Variants in SUMF1 observed in about 807,000 individuals in gnomAD.
SUMF1 encodes the protein sulfatase modifying factor 1.
SUMF1 carries 48 observed loss-of-function variants against 47.6 expected under a neutral mutation model. That is an observed-to-expected ratio of 1.01 (90% CI 0.80 to 1.28). SUMF1 has a LOEUF of 1.28. Ranked by LOEUF, SUMF1 falls within the 50% of genes most tolerant of loss-of-function variation. The pLI, the probability that SUMF1 is intolerant of heterozygous loss-of-function variation, is 0.00. For missense variants in SUMF1, 571 were observed against 485.4 expected, an observed-to-expected ratio of 1.18 and a Z score of -1.66; for synonymous variants, 230 against 192.1, an observed-to-expected ratio of 1.20 and a Z score of -1.63.
Position 4,419,563 on chromosome 3 carries a change from G to A in SUMF1, c.602+501C>T, listed in dbSNP as rs940629514. ...TTGCCACCCTGGAGACTTGCTGACC[G>A]ACTTGGCTCTCTGTGGTTTTCCAGT... On this transcript the variant is annotated intron_variant, in intron 4 of 8. Coordinates refer to ENST00000272902, the MANE Select transcript of SUMF1 (RefSeq NM_182760.4). Among the ~76,000 whole-genome samples, 9 of 152,216 alleles carry A rather than the reference G, an allele frequency of 5.9e-5. 1 individual carries two copies. In the South Asian group the frequency reaches 1.2e-3, roughly 21 times the overall value.
At chr3:4,261,796 C>T (rs939586493) in intron 8 of SUMF1, among the ~76,000 whole-genome samples, 1 of 152,246 alleles carries the variant, frequency 6.6e-6, no homozygotes, top group South Asian at 2.1e-4. Flanking sequence ...CAGATTTCTC[C>T]CAAAGGCCCC....
chr3:4,442,079 G>A (rs1475704474), intron 3 of SUMF1, among the ~76,000 whole-genome samples: 2 of 152,136 alleles, frequency 1.3e-5, no homozygotes, highest in Non-Finnish European at 2.9e-5. Context: ...CAGGAAATCA[G>A]ACCTGTGAAA....
At chr3:4,323,187 A>G (rs1308807269) in intron 8 of SUMF1, among the ~76,000 whole-genome samples, 1 of 152,208 alleles carries the variant, frequency 6.6e-6, no homozygotes, top group East Asian at 1.9e-4. Context: ...TGGTCATAAT[A>G]TTATTTGGCC....
intron 8 of SUMF1, among the ~76,000 whole-genome samples, chr3:4,224,653 G>T (rs574757683): frequency 6.6e-6 from 1 of 152,090 alleles, no homozygotes; most frequent in Non-Finnish European, 1.5e-5. Flanking sequence ...ACTCCTCTAG[G>T]CATAGGATGA....
intron 8 of SUMF1, among the ~76,000 whole-genome samples, chr3:4,199,506 G>A (rs1695497466): frequency 6.6e-6 from 1 of 152,100 alleles, no homozygotes; most frequent in Non-Finnish European, 1.5e-5. Flanking sequence ...AAATTTCTGG[G>A]TTGTATGGTA....
At chr3:4,393,767 C>T (rs1245121243) in intron 7 of SUMF1, among the ~76,000 whole-genome samples, 3 of 152,078 alleles carry the variant, frequency 2.0e-5, no homozygotes, top group African/African-American at 7.2e-5. Flanking sequence ...AGAAGTTTCT[C>T]AAGAATCAAC....
intron 8 of SUMF1, among the ~76,000 whole-genome samples, chr3:4,072,466 C>A (rs1156265167): frequency 6.6e-6 from 1 of 152,096 alleles, no homozygotes; most frequent in Admixed American, 6.5e-5. Context: ...GGGAACAAAA[C>A]TGGATAGAGA....
chr3:4,150,218 C>T (rs1694286157), intron 8 of SUMF1, among the ~76,000 whole-genome samples: 1 of 151,456 alleles, frequency 6.6e-6, no homozygotes, highest in African/African-American at 2.4e-5. Context: ...CTCAGCCTCC[C>T]AAGTAGCTGG....
intron 7 of SUMF1, among the ~76,000 whole-genome samples, chr3:4,382,923 G>A (rs1023027721): frequency 2.0e-5 from 3 of 152,076 alleles, no homozygotes; most frequent in Non-Finnish European, 2.9e-5. Context: ...CCTGTCAGGG[G>A]GTCAGAGACT....
At chr3:4,034,591 C>T (rs7646950) in intron 9 of SUMF1, among the ~76,000 whole-genome samples, 3 of 152,066 alleles carry the variant, frequency 2.0e-5, no homozygotes, top group South Asian at 4.1e-4. Context: ...GTGATTCTCT[C>T]GCAAATTCAA....
In SUMF1 at chr3:4,150,253, T is replaced by C. The variant is rs927350248; in HGVS notation, c.1015-81508A>G. 4.1e-5 allele frequency among the ~76,000 whole-genome samples: 6 copies of C among 147,320 alleles called. No homozygotes were observed. In the East Asian group the frequency reaches 1.2e-3, roughly 29 times the overall value. Reference sequence around the variant, plus strand: ...GGACTGCAGGGGTGTGCCACCATACTAGCTAATTTTTTAAAAAAATTTTGT... The same window carrying C: ...GGACTGCAGGGGTGTGCCACCATACCAGCTAATTTTTTAAAAAAATTTTGT... On this transcript the variant is annotated intron_variant and NMD_transcript_variant, in intron 8 of 12. Coordinates refer to the SUMF1 transcript ENST00000448413.
chr3:4,336,572 T>G (rs1377034622), intron 8 of SUMF1, among the ~76,000 whole-genome samples: 2 of 152,238 alleles, frequency 1.3e-5, no homozygotes, highest in Admixed American at 6.5e-5. Context: ...GAGGTCCCGA[T>G]AGTCTACTTT....
chr3:4,259,935 T>C (rs1697049246), intron 8 of SUMF1, among the ~76,000 whole-genome samples: 1 of 151,894 alleles, frequency 6.6e-6, no homozygotes. Context: ...CTAACTGGAA[T>C]GCTCAGAGGA....
chr3:4,449,130 T>G (rs1017309797), intron 3 of SUMF1, 136 bp downstream of exon 3: 1 of 954,002 alleles, frequency 1.0e-6, no homozygotes, highest in African/African-American at 1.6e-5. Context: ...GGCCTATTAT[T>G]TGGGGTCAAT....
At chr3:4,176,757 A>G (rs1167022028) in intron 8 of SUMF1, among the ~76,000 whole-genome samples, 3 of 152,204 alleles carry the variant, frequency 2.0e-5, no homozygotes, top group Non-Finnish European at 4.4e-5. Flanking sequence ...TTGGATAAAG[A>G]GTCAAGACCC....
At chr3:4,375,370 C>A (rs1320267185) in intron 8 of SUMF1, among the ~76,000 whole-genome samples, 1 of 152,026 alleles carries the variant, frequency 6.6e-6, no homozygotes, top group Non-Finnish European at 1.5e-5. Flanking sequence ...TGTATGTTTT[C>A]ATCACCTGGA....
intron 8 of SUMF1, among the ~76,000 whole-genome samples, chr3:4,162,449 A>G (rs1167731413): frequency 6.6e-6 from 1 of 152,042 alleles, no homozygotes; most frequent in Admixed American, 6.6e-5. Flanking sequence ...AGAGCCCTTT[A>G]CCCAGCAGTG....
rs143437192 is a variant in SUMF1, at chr3:4,058,270, G to A, written c.1191+10299C>T. ...AGGTATATACACATATATTCTGCCCGACTGCTCTGCAACTCCTTAAGCATT... is the reference window on the plus strand; with the variant it reads ...AGGTATATACACATATATTCTGCCCAACTGCTCTGCAACTCCTTAAGCATT... On this transcript the variant is annotated intron_variant and NMD_transcript_variant, in intron 9 of 12. Coordinates refer to the SUMF1 transcript ENST00000448413. Among the ~76,000 whole-genome samples, 412 of 152,192 alleles carry A rather than the reference G, an allele frequency of 2.7e-3. 4 individuals carry two copies. The highest frequency in any genetic ancestry group is 0.014 in the Middle Eastern group (4 of 294).
chr3:4,274,328 G>A (rs576821587), intron 8 of SUMF1, among the ~76,000 whole-genome samples: 16 of 152,244 alleles, frequency 1.1e-4, no homozygotes, highest in African/African-American at 2.6e-4. Flanking sequence ...GGGGCAAAGG[G>A]AGAAGTGAGG....
Sources: allele counts gnomAD v4.1 joint callset (sites outside exome capture counted in the v4.1 genomes callset), GRCh38; gene constraint gnomAD v4.1.1; transcripts MANE v1.5; gene names NCBI Gene and HGNC (gene_info 2026-07-23, HGNC 2026-07-21).